EPB41L2: variants seen among roughly 807,000 people sequenced by gnomAD.
The protein encoded by EPB41L2 is erythrocyte membrane protein band 4.1 like 2.
A neutral mutation model predicts 113.0 loss-of-function variants in EPB41L2; 43 were observed. That is an observed-to-expected ratio of 0.38 (90% CI 0.30 to 0.49). The LOEUF is 0.49. Among genes scored for constraint, EPB41L2 ranks in the 20% least tolerant of loss-of-function variants. The pLI, the probability that EPB41L2 is intolerant of heterozygous loss-of-function variation, is 0.95. For synonymous variants in EPB41L2, 442 were observed against 436.7 expected, an observed-to-expected ratio of 1.01 and a Z score of -0.15; for missense variants, 1,147 against 1,223.4, an observed-to-expected ratio of 0.94 and a Z score of 0.93.
At chr6:131,050,923 C>A (rs993627372) in intron 1 of EPB41L2, among the ~76,000 whole-genome samples, 1 of 152,082 alleles carries the variant, frequency 6.6e-6, no homozygotes, top group African/African-American at 2.4e-5. Flanking sequence ...TGTGTGACAA[C>A]AATATGTCTG....
intron 1 of EPB41L2, among the ~76,000 whole-genome samples, chr6:131,023,711 G>A (rs1790068093): frequency 1.6e-5 from 2 of 124,640 alleles, no homozygotes; most frequent in Non-Finnish European, 3.6e-5. Flanking sequence ...AAAAAAATGT[G>A]TGCGTGTGTG....
At chr6:130,901,947 G>T (rs1261581477) in intron 6 of EPB41L2, among the ~76,000 whole-genome samples, 1 of 152,198 alleles carries the variant, frequency 6.6e-6, no homozygotes, top group Non-Finnish European at 1.5e-5. Context: ...AATGTTCCAT[G>T]TGGCTCACTA....
intron 1 of EPB41L2, among the ~76,000 whole-genome samples, chr6:130,988,855 G>C (rs781004978): frequency 1.3e-5 from 2 of 152,188 alleles, no homozygotes; most frequent in African/African-American, 2.4e-5. Flanking sequence ...TTGGGAGGCC[G>C]AGGCAGGCGG....
Position 130,973,045 on chromosome 6 carries a change from G to T in EPB41L2, c.-14-16546C>A, listed in dbSNP as rs1039250084. Among the ~76,000 whole-genome samples, 6 of 152,072 alleles carry T rather than the reference G, an allele frequency of 3.9e-5. No homozygotes were observed. In the South Asian group the frequency reaches 1.3e-3, roughly 32 times the overall value. ...AAGAATCGCTTGAACCCGGGAGGCG[G>T]AGGTTGCAGTGAGCCGAGATCGTGC... is the stretch of plus-strand genomic sequence containing the variant. On this transcript the variant is annotated intron_variant, in intron 1 of 19. Coordinates refer to ENST00000337057, the MANE Select transcript of EPB41L2 (RefSeq NM_001431.4).
In EPB41L2 at chr6:130,926,685, A is replaced by G; in HGVS notation, c.730T>C (p.Phe244Leu). Reference protein sequence around the residue: ...LEKHAKGQVLFDKVCEHLNLL... With the variant: ...LEKHAKGQVLLDKVCEHLNLL... Reference sequence around the variant, plus strand: ...TTGAGGTGTTCACACACTTTGTCAAATAACACTTGTCCCTTGGCATGTTTC... The same window carrying G: ...TTGAGGTGTTCACACACTTTGTCAAGTAACACTTGTCCCTTGGCATGTTTC... The change falls in exon 4 of 20, where the codon TTT (phenylalanine) becomes CTT (leucine). Residue 244 changes from phenylalanine to leucine, a missense_variant. Coordinates refer to ENST00000337057, the MANE Select transcript of EPB41L2 (RefSeq NM_001431.4). The G allele has an allele frequency of 6.2e-7, 1 of 1,607,230 alleles. No homozygotes were observed. The highest frequency in any genetic ancestry group is 1.3e-5 in the African/African-American group (1 of 74,732).
chr6:130,886,282 C>T (rs1256501585), intron 11 of EPB41L2, among the ~76,000 whole-genome samples: 1 of 152,134 alleles, frequency 6.6e-6, no homozygotes, highest in Admixed American at 6.6e-5. Context: ...CCCAAGCTAC[C>T]TCTCAATCCA....
chr6:130,866,138 A>G (rs890944484), intron 16 of EPB41L2, among the ~76,000 whole-genome samples: 1 of 152,224 alleles, frequency 6.6e-6, no homozygotes, highest in Non-Finnish European at 1.5e-5. Flanking sequence ...CATCAACTAC[A>G]TTGTTCCTGT....
At position 130,924,468 on chromosome 6, in the gene EPB41L2, T is replaced by C. The variant is rs187144757; in HGVS notation, c.810+2137A>G. ...ATCTCGGCTCACTGCAACCTCTACC[T>C]CCCGGGTTCAAACGATTCTCCTGCC... On this transcript the variant is annotated intron_variant, in intron 4 of 19. Coordinates refer to ENST00000337057, the MANE Select transcript of EPB41L2 (RefSeq NM_001431.4). Among the ~76,000 whole-genome samples, 504 of 151,926 alleles carry C rather than the reference T, an allele frequency of 3.3e-3. 2 individuals carry two copies. Among genetic ancestry groups the C allele is most frequent in the African/African-American group, 0.012 (489 of 41,450 alleles).
intron 3 of EPB41L2, among the ~76,000 whole-genome samples, chr6:130,935,704 C>T (rs1383363472): frequency 6.6e-6 from 1 of 152,160 alleles, no homozygotes; most frequent in Non-Finnish European, 1.5e-5. Flanking sequence ...TTCATAACTA[C>T]ACACGAATTT....
intron 1 of EPB41L2, among the ~76,000 whole-genome samples, chr6:130,988,197 G>A (rs966806139): frequency 1.3e-5 from 2 of 152,162 alleles, no homozygotes; most frequent in Admixed American, 6.5e-5. Context: ...ACACATTTTA[G>A]AGAAAATAAT....
intron 1 of EPB41L2, chr6:131,015,220 C>T (rs1787924532): frequency 6.6e-6 from 1 of 152,188 alleles, no homozygotes; most frequent in African/African-American, 2.4e-5. Flanking sequence ...GTAATCGATA[C>T]TACTTATGAG....
chr6:130,842,253 A>C (rs1001297710), intron 19 of EPB41L2, among the ~76,000 whole-genome samples: 1 of 152,166 alleles, frequency 6.6e-6, no homozygotes, highest in Admixed American at 6.5e-5. Context: ...GCCTTAGGTT[A>C]TTTCATTACT....
intron 1 of EPB41L2, among the ~76,000 whole-genome samples, chr6:131,031,703 G>A (rs1013591110): frequency 7.9e-5 from 12 of 152,154 alleles, no homozygotes; most frequent in African/African-American, 2.9e-4. Context: ...CTGTGAGATA[G>A]TAATTGTCAC....
chr6:130,955,131 C>T lies in EPB41L2; in HGVS notation c.679G>A (p.Gly227Ser). The T allele has an allele frequency of 6.2e-7, 1 of 1,614,148 alleles. No homozygotes were observed. The highest frequency in any genetic ancestry group is 8.5e-7 in the Non-Finnish European group (1 of 1,180,022). The part of the protein sequence containing the change: ...TVQCKVTLLD[G>S]TEYSCDLEKH... The stretch of plus-strand genomic sequence containing the variant: ...TCCAGGTCACAGCTGTATTCGGTGC[C>T]ATCTAAGAGGGTCACTTTACACTGG... Residue 227 changes from glycine to serine, a missense_variant, in exon 3 of 20, where the codon GGC (glycine) becomes AGC (serine). Physicochemically the swap from Gly to Ser is moderately conservative, Grantham distance 56 (BLOSUM62 0). Coordinates refer to ENST00000337057, the MANE Select transcript of EPB41L2 (RefSeq NM_001431.4).
chr6:131,012,853 A>T (rs1787350227), intron 1 of EPB41L2, among the ~76,000 whole-genome samples: 1 of 152,210 alleles, frequency 6.6e-6, no homozygotes, highest in South Asian at 2.1e-4. Context: ...AAACCAAGTC[A>T]AACCAACTCT....
At chr6:131,039,719 T>A (rs571464800) in intron 1 of EPB41L2, among the ~76,000 whole-genome samples, 2 of 152,280 alleles carry the variant, frequency 1.3e-5, no homozygotes, top group South Asian at 2.1e-4. Flanking sequence ...AGGAGCCAGT[T>A]TGAAGAGGAT....
chr6:131,022,573 C>T (rs1400830567), intron 1 of EPB41L2, among the ~76,000 whole-genome samples: 2 of 152,170 alleles, frequency 1.3e-5, no homozygotes, highest in Non-Finnish European at 2.9e-5. Flanking sequence ...ATTTAATCTC[C>T]TTGCCTTGGT....
At chr6:131,005,154 G>T (rs576788386) in intron 1 of EPB41L2, among the ~76,000 whole-genome samples, 2 of 151,514 alleles carry the variant, frequency 1.3e-5, no homozygotes, top group Non-Finnish European at 2.9e-5. Flanking sequence ...TTCCCAAGAC[G>T]GTGCTTACTT....
In EPB41L2 at chr6:130,898,424, A is replaced by AGGGTCT. The variant is rs1795288783; in HGVS notation, c.1236+1061_1236+1066dup. ...TTCTAAACAACATCTACAGATTGGCAGGGTCTTTTAAAAGCAGGCTACCAT... is the reference window on the plus strand; with the variant it reads ...TTCTAAACAACATCTACAGATTGGCAGGGTCTGGGTCTTTTAAAAGCAGGCTACCAT... On this transcript the variant is annotated intron_variant, in intron 8 of 19. Transcript: ENST00000337057. 3.3e-5 allele frequency among the ~76,000 whole-genome samples: 5 copies of AGGGTCT among 152,294 alleles called. No homozygotes were observed. The South Asian group carries it at 1.0e-3, about 32-fold the overall frequency.
Sources: allele counts gnomAD v4.1 joint callset (sites outside exome capture counted in the v4.1 genomes callset), GRCh38; gene constraint gnomAD v4.1.1; transcripts MANE v1.5; gene names NCBI Gene and HGNC (gene_info 2026-07-23, HGNC 2026-07-21).